The following STYX variants were observed in gnomAD, a reference collection of about 807,000 sequenced individuals.
STYX encodes the protein serine/threonine/tyrosine interacting protein, also known as serine/threonine/tyrosine-interacting protein.
A neutral mutation model predicts 42.7 loss-of-function variants in STYX; 20 were observed. The observed-to-expected ratio is 0.47, with a 90% confidence interval of 0.33 to 0.68. The LOEUF is 0.68. Among genes scored for constraint, STYX ranks in the 30% least tolerant of loss-of-function variants. STYX has a pLI of 0.02. For synonymous variants in STYX, 78 were observed against 81.9 expected, an observed-to-expected ratio of 0.95 and a Z score of 0.26; for missense variants, 226 against 268.5, an observed-to-expected ratio of 0.84 and a Z score of 1.11.
intron 1 of STYX, among the ~76,000 whole-genome samples, chr14:52,739,632 C>CTTTTTTTTTTTTTT (rs58454717): frequency 3.7e-4 from 24 of 65,730 alleles, no homozygotes; most frequent in African/African-American, 4.4e-4. Context: ...TCCTTTCTTT[C>CTTTTTTTTTTTTTT]TTTTTTTTTT....
At chr14:52,755,127 T>TG (rs1176564918) in intron 4 of STYX, among the ~76,000 whole-genome samples, 1 of 150,628 alleles carries the variant, frequency 6.6e-6, no homozygotes, top group Non-Finnish European at 1.5e-5. Flanking sequence ...TTTTGTTTTT[T>TG]TTTTTTTGTT....
chr14:52,769,006 C>A, intron 10 of STYX, 73 bp downstream of exon 10: 1 of 1,099,872 alleles, frequency 9.1e-7, no homozygotes, highest in Non-Finnish European at 1.3e-6. Context: ...CTACAAGTTA[C>A]ACTGAACAAT....
intron 9 of STYX, among the ~76,000 whole-genome samples, chr14:52,761,267 G>T (rs1343034218): frequency 6.6e-6 from 1 of 150,728 alleles, no homozygotes; most frequent in Non-Finnish European, 1.5e-5. Flanking sequence ...GGCGGAGGTT[G>T]TGGTGAGCTG....
intron 4 of STYX, 129 bp from the exon 5 acceptor site, chr14:52,756,422 T>G (rs1881869252): frequency 1.7e-6 from 1 of 578,808 alleles, no homozygotes; most frequent in Non-Finnish European, 3.1e-6. Context: ...ACACAGTTCT[T>G]GGGAATATGA....
chr14:52,770,087 CATG>C (rs1350131259), intron 10 of STYX, among the ~76,000 whole-genome samples: 12 of 152,110 alleles, frequency 7.9e-5, no homozygotes, highest in African/African-American at 2.9e-4. Context: ...CTCAGGAAGA[CATG>C]ATGATTAATG....
In STYX at chr14:52,744,907, C is replaced by G. The variant is rs778370152; in HGVS notation, c.90+23C>G. The G allele has an allele frequency of 2.7e-5, 43 of 1,610,722 alleles. No homozygotes were observed. In the South Asian group the frequency reaches 4.3e-4, roughly 16 times the overall value. ...CAGGTATGGCAACCTTTTCTTTGTT[C>G]AAACCAACCCATGTTATTATCATAA... On this transcript the variant is annotated intron_variant, in intron 2 of 10. Coordinates refer to ENST00000354586, the MANE Select transcript of STYX (RefSeq NM_145251.4).
intron 1 of STYX, among the ~76,000 whole-genome samples, chr14:52,733,305 A>C (rs1484086982): frequency 1.3e-5 from 2 of 152,172 alleles, no homozygotes; most frequent in African/African-American, 4.8e-5. Flanking sequence ...GGGAATATAT[A>C]CCTGTCTTTT....
chr14:52,756,376 C>A (rs761333073), intron 4 of STYX, among the ~76,000 whole-genome samples, 175 bp from the exon 5 acceptor site: 1 of 152,082 alleles, frequency 6.6e-6, no homozygotes, highest in Non-Finnish European at 1.5e-5. Flanking sequence ...CATGGTGTTT[C>A]AGGTTTTAAT....
At position 52,756,236 on chromosome 14, in the gene STYX, G is replaced by A. The variant is rs147917064; in HGVS notation, c.243-315G>A. 2.9e-3 allele frequency among the ~76,000 whole-genome samples: 434 copies of A among 152,182 alleles called. 4 individuals are homozygous for A. Among genetic ancestry groups the A allele is most frequent in the African/African-American group, 9.8e-3 (407 of 41,516 alleles). Reference sequence around the variant, plus strand: ...TCCCTCTGTTGCTCAGGCTGGTCTCGAATCCCTGGGCTCAAGTGATCCTCC... The same window carrying A: ...TCCCTCTGTTGCTCAGGCTGGTCTCAAATCCCTGGGCTCAAGTGATCCTCC... On this transcript the variant is annotated intron_variant, in intron 4 of 10. Coordinates refer to ENST00000354586, the MANE Select transcript of STYX (RefSeq NM_145251.4).
rs1880640391 is a variant in STYX at position 52,730,354 on chromosome 14, C to G, written c.-121C>G. ...CTGCGTGTGTTAGTTGTAATCCCGC[C>G]GCCCTCCTGTCAGCCCTCCGCTCCG... On this transcript the variant is annotated 5_prime_UTR_variant, in exon 1 of 11. Coordinates refer to ENST00000354586, the MANE Select transcript of STYX (RefSeq NM_145251.4). 4 of 955,790 alleles carry G rather than the reference C, an allele frequency of 4.2e-6. No homozygotes were observed. Among genetic ancestry groups the G allele is most frequent in the Middle Eastern group, 2.3e-4 (1 of 4,318 alleles). The allele number at this position is 955,790 out of a possible 1,614,324, so 59.2% of individuals were successfully genotyped here. A position where few individuals can be genotyped will look rare whatever the true frequency, so the allele number is the denominator to read the frequency against.
intron 10 of STYX, among the ~76,000 whole-genome samples, chr14:52,770,661 C>T (rs1381859140): frequency 2.0e-5 from 3 of 152,014 alleles, no homozygotes; most frequent in Non-Finnish European, 4.4e-5. Context: ...TATACAAATA[C>T]AAGATTAATT....
At chr14:52,768,720 A>G (rs1374225978) in intron 9 of STYX, 120 bp from the exon 10 acceptor site, 2 of 612,772 alleles carry the variant, frequency 3.3e-6, no homozygotes, top group South Asian at 3.4e-5. Flanking sequence ...TCTTCAAACA[A>G]TATGGCACTA....
At position 52,757,851 on chromosome 14, in the gene STYX, T is replaced by A. The variant is rs774972692; in HGVS notation, c.381-23T>A. On this transcript the variant is annotated intron_variant, in intron 7 of 10. Coordinates refer to ENST00000354586, the MANE Select transcript of STYX (RefSeq NM_145251.4). Reference sequence around the variant, plus strand: ...ATGGGCTGTATTTTCTGGTTGTTTTTAAAATTATTTTCCCCTCTTCAGTGC... The same window carrying A: ...ATGGGCTGTATTTTCTGGTTGTTTTAAAAATTATTTTCCCCTCTTCAGTGC... 4 of 1,613,126 alleles carry A rather than the reference T, an allele frequency of 2.5e-6. No individual in the cohort carries two copies. In the South Asian group the frequency reaches 4.4e-5, roughly 18 times the overall value.
At chr14:52,736,803 G>C (rs1880971763) in intron 1 of STYX, among the ~76,000 whole-genome samples, 1 of 125,566 alleles carries the variant, frequency 8.0e-6, no homozygotes, top group African/African-American at 3.0e-5. Context: ...TTTAAAAATT[G>C]CTGGTTTAGA....
At chr14:52,732,516 G>A (rs952265896) in intron 1 of STYX, among the ~76,000 whole-genome samples, 1 of 151,556 alleles carries the variant, frequency 6.6e-6, no homozygotes, top group Non-Finnish European at 1.5e-5. Context: ...CTTGTGATCC[G>A]CCTGGCTTGG....
intron 3 of STYX, among the ~76,000 whole-genome samples, chr14:52,749,315 T>G (rs1415565782): frequency 6.6e-6 from 1 of 152,180 alleles, no homozygotes; most frequent in Non-Finnish European, 1.5e-5. Flanking sequence ...GATTTCAACA[T>G]AAGAATTTGA....
chr14:52,766,038 C>T (rs1882290300), intron 9 of STYX, among the ~76,000 whole-genome samples: 1 of 152,052 alleles, frequency 6.6e-6, no homozygotes, highest in African/African-American at 2.4e-5. Flanking sequence ...GCACTGTCAC[C>T]CAGGCTACAG....
chr14:52,761,410 T>C (rs537533607), intron 9 of STYX, among the ~76,000 whole-genome samples: 2 of 151,906 alleles, frequency 1.3e-5, no homozygotes, highest in East Asian at 1.9e-4. Context: ...TGAAGTGGAA[T>C]TGGTGGATTC....
chr14:52,762,599 C>G (rs1882137089), intron 9 of STYX, among the ~76,000 whole-genome samples: 1 of 151,200 alleles, frequency 6.6e-6, no homozygotes, highest in Non-Finnish European at 1.5e-5. Context: ...TCTGTACTAT[C>G]CTTTTCTGGT....
Sources: gnomAD v4.1 joint callset for allele counts (sites outside exome capture counted in the v4.1 genomes callset) on GRCh38, gnomAD v4.1.1 for gene constraint, MANE v1.5 for transcripts, NCBI Gene and HGNC (gene_info 2026-07-23, HGNC 2026-07-21) for gene names.